The following DYNC1I1 variants were observed in gnomAD, a reference collection of about 807,000 sequenced individuals.
DYNC1I1 encodes the protein dynein cytoplasmic 1 intermediate chain 1.
Under a neutral mutation model 86.6 loss-of-function variants are expected in DYNC1I1, and 43 were observed. The ratio of observed to expected loss-of-function variants is 0.50; its 90% CI spans 0.39 to 0.64. The LOEUF is 0.64. Ranked by LOEUF, DYNC1I1 falls within the 30% of genes least tolerant of loss-of-function variation. The pLI, the probability that DYNC1I1 is intolerant of heterozygous loss-of-function variation, is 0.00. For missense variants in DYNC1I1, 604 were observed against 788.8 expected (o/e 0.77, Z 2.81); for synonymous variants, 262 against 283.7 (o/e 0.92, Z 0.77).
At position 95,904,866 on chromosome 7, in the gene DYNC1I1, C is replaced by T. The variant is rs1357786229; in HGVS notation, c.490+34868C>T. On this transcript the variant is annotated intron_variant, in intron 6 of 16. Transcript: ENST00000447467. Reference sequence around the variant, plus strand: ...TGCCACTTGATTGTTTACTCTCTGACCCACTGGCATGATATTTCTATATTG... The same window carrying T: ...TGCCACTTGATTGTTTACTCTCTGATCCACTGGCATGATATTTCTATATTG... Among the ~76,000 whole-genome samples, 10 of 152,188 alleles carry T rather than the reference C, an allele frequency of 6.6e-5. No homozygotes were observed. The South Asian group carries it at 2.1e-3, about 32-fold the overall frequency.
intron 10 of DYNC1I1, among the ~76,000 whole-genome samples, chr7:96,019,407 A>C (rs1052887737): frequency 1.4e-4 from 21 of 151,806 alleles, no homozygotes; most frequent in African/African-American, 4.6e-4. Context: ...TAAGCTTAGG[A>C]ACCATTAATT....
rs188652460 is a variant in DYNC1I1 at position 95,916,444 on chromosome 7, A to G, written c.490+46446A>G. Reference sequence around the variant, plus strand: ...ATTTGAACAGTTTCCTCTAAAGGGGAAAATTTTGTTTAATATTTGAATATG... The same window carrying G: ...ATTTGAACAGTTTCCTCTAAAGGGGGAAATTTTGTTTAATATTTGAATATG... On this transcript the variant is annotated intron_variant, in intron 6 of 16. Transcript: ENST00000447467. Among the ~76,000 whole-genome samples, 158 of 152,292 alleles carry G rather than the reference A, an allele frequency of 1.0e-3. 2 individuals carry two copies. Among genetic ancestry groups the G allele is most frequent in the Admixed American group, 5.8e-3 (89 of 15,296 alleles).
chr7:95,912,641 G>A (rs1791367604), intron 6 of DYNC1I1, among the ~76,000 whole-genome samples: 2 of 152,186 alleles, frequency 1.3e-5, no homozygotes, highest in Admixed American at 1.3e-4. Flanking sequence ...AACCGTTCTA[G>A]CCAGACATGC....
chr7:95,911,400 G>T (rs1428657346), intron 6 of DYNC1I1, among the ~76,000 whole-genome samples: 1 of 152,098 alleles, frequency 6.6e-6, no homozygotes, highest in East Asian at 1.9e-4. Flanking sequence ...AGGTGACACA[G>T]GTGACACTGA....
At chr7:95,944,112 T>G (rs1438710644) in intron 6 of DYNC1I1, among the ~76,000 whole-genome samples, 3 of 152,182 alleles carry the variant, frequency 2.0e-5, no homozygotes, top group Non-Finnish European at 4.4e-5. Flanking sequence ...AGAAAATTTT[T>G]GCAACCTACT....
rs10257288 is a variant in DYNC1I1, at chr7:96,090,747, A to G, written c.1777-6736A>G. ...TTTGTACCTATTGACTGGTAATAGC[A>G]GACTGTGCTGTACAGAGACTAATGT... On this transcript the variant is annotated intron_variant, in intron 16 of 16. Transcript: ENST00000447467. 5.9e-3 allele frequency among the ~76,000 whole-genome samples: 893 copies of G among 152,326 alleles called. 7 individuals carry two copies. The highest frequency in any genetic ancestry group is 0.02 in the African/African-American group (839 of 41,570).
intron 5 of DYNC1I1, among the ~76,000 whole-genome samples, chr7:95,833,970 C>T (rs1298679555): frequency 9.8e-6 from 1 of 102,512 alleles, no homozygotes; most frequent in Non-Finnish European, 1.9e-5. Flanking sequence ...ATTTCCTTGT[C>T]CTGCCTAATT....
At chr7:96,056,478 T>C (rs1273290473) in intron 14 of DYNC1I1, among the ~76,000 whole-genome samples, 1 of 152,200 alleles carries the variant, frequency 6.6e-6, no homozygotes, top group Non-Finnish European at 1.5e-5. Flanking sequence ...ATCTTCTTTA[T>C]CAAGTTTGTG....
At chr7:95,804,446 C>G in intron 1 of DYNC1I1, 1 of 1,147,970 alleles carries the variant, frequency 8.7e-7, no homozygotes, top group Non-Finnish European at 1.1e-6. Context: ...TGTTGCTTAT[C>G]TGGAAGTTGC....
At chr7:95,863,349 G>A (rs28668671) in intron 5 of DYNC1I1, among the ~76,000 whole-genome samples, 31,141 of 151,990 alleles carry the variant, frequency 0.2, 3,702 homozygotes, top group East Asian at 0.46. Context: ...TAGGCGAGGC[G>A]GGAATGGGGA....
intron 10 of DYNC1I1, among the ~76,000 whole-genome samples, chr7:96,027,919 A>T (rs1298633814): frequency 1.3e-5 from 2 of 152,182 alleles, no homozygotes; most frequent in Non-Finnish European, 2.9e-5. Flanking sequence ...TAGGTTTCAT[A>T]CCTATTTGAT....
intron 6 of DYNC1I1, among the ~76,000 whole-genome samples, chr7:95,876,178 A>G (rs1790304632): frequency 6.6e-6 from 1 of 151,130 alleles, no homozygotes; most frequent in Admixed American, 6.6e-5. Context: ...TTAGTTTAAC[A>G]CTCCACCTCT....
intron 1 of DYNC1I1, among the ~76,000 whole-genome samples, chr7:95,803,977 C>T (rs1794644543): frequency 6.6e-6 from 1 of 152,026 alleles, no homozygotes; most frequent in African/African-American, 2.4e-5. Flanking sequence ...TAAATTTTCC[C>T]AAGAACTTGC....
intron 6 of DYNC1I1, among the ~76,000 whole-genome samples, chr7:95,933,237 A>G (rs1205347571): frequency 6.6e-6 from 1 of 152,202 alleles, no homozygotes. Flanking sequence ...ATGAAAATTC[A>G]TATTAGAGTA....
At chr7:95,936,079 C>G (rs1488446486) in intron 6 of DYNC1I1, among the ~76,000 whole-genome samples, 1 of 151,934 alleles carries the variant, frequency 6.6e-6, no homozygotes, top group East Asian at 1.9e-4. Context: ...TCACATTTCT[C>G]ATAATACTCT....
chr7:96,055,741 GA>G (rs1176724422), intron 14 of DYNC1I1: 4 of 152,034 alleles, frequency 2.6e-5, no homozygotes, highest in Non-Finnish European at 4.4e-5. Context: ...AATATACTAA[GA>G]AAAAAACTCT....
intron 6 of DYNC1I1, among the ~76,000 whole-genome samples, chr7:95,908,914 A>G (rs1675114819): frequency 6.6e-6 from 1 of 152,030 alleles, no homozygotes; most frequent in Admixed American, 6.6e-5. Flanking sequence ...GACAAAACAT[A>G]AACTGCATTA....
At chr7:96,025,777 T>G (rs569951118) in intron 10 of DYNC1I1, among the ~76,000 whole-genome samples, 1 of 152,030 alleles carries the variant, frequency 6.6e-6, no homozygotes, top group South Asian at 2.1e-4. Flanking sequence ...TGTTTCAGTT[T>G]TATATAAATA....
chr7:96,108,387 T>C (rs1791252953), intron 16 of DYNC1I1, among the ~76,000 whole-genome samples: 1 of 152,182 alleles, frequency 6.6e-6, no homozygotes, highest in Non-Finnish European at 1.5e-5. Flanking sequence ...TAGAGTTTTG[T>C]TTTGTTTTCC....
Sources: allele counts gnomAD v4.1 joint callset (sites outside exome capture counted in the v4.1 genomes callset), GRCh38; gene constraint gnomAD v4.1.1; transcripts MANE v1.5; gene names NCBI Gene and HGNC (gene_info 2026-07-23, HGNC 2026-07-21).